Variants in EVPL observed in about 807,000 individuals in gnomAD.
The protein encoded by EVPL is 210 kDa cornified envelope precursor protein.
Under a neutral mutation model 129.7 loss-of-function variants are expected in EVPL, and 94 were observed. The observed-to-expected ratio is 0.72, with a 90% CI of 0.61 to 0.86. The LOEUF is 0.86. EVPL is among the 40% of genes least tolerant of loss of function. EVPL has a pLI of 0.00. For missense variants in EVPL, 2,625 were observed against 2,721.1 expected, an observed-to-expected ratio of 0.96 and a Z score of 0.79; for synonymous variants, 1,172 against 1,191.1, an observed-to-expected ratio of 0.98 and a Z score of 0.33.
At chr17:76,018,648 G>T (rs574991687) in intron 11 of EVPL, 48 bp from the exon 12 acceptor site, 1 of 1,553,288 alleles carries the variant, frequency 6.4e-7, no homozygotes, top group South Asian at 1.2e-5. Flanking sequence ...GGGGCAGGGG[G>T]CCAAGGCCAG....
In EVPL at chr17:76,015,341, C is replaced by T. The variant is rs1598237719; in HGVS notation, c.1914G>A (p.Glu638=). 6.2e-7 allele frequency: 1 copy of T among 1,604,244 alleles called. No individual in the cohort carries two copies. The highest frequency in any genetic ancestry group is 8.5e-7 in the Non-Finnish European group (1 of 1,179,032). Residue 638 remains glutamate, a synonymous_variant, in exon 16 of 22, where the codon GAG becomes GAA. Coordinates refer to ENST00000301607, the MANE Select transcript of EVPL (RefSeq NM_001988.4). The stretch of plus-strand genomic sequence containing the variant: ...CCCTGTCCGCATCCTGGATCTGCCG[C>T]TCCAGATCCAGGGCAGCCTTGGCTC... The part of the protein sequence containing the change: ...GEKAKAALDL[E]RQIQDADRVI...
At chr17:76,026,791 C>T (rs1448420799) in intron 1 of EVPL, among the ~76,000 whole-genome samples, 7 of 152,228 alleles carry the variant, frequency 4.6e-5, no homozygotes, top group Admixed American at 6.5e-5. Context: ...GGAGGGCCTC[C>T]GTGCAGGCTC....
intron 1 of EVPL, 91 bp downstream of exon 1, chr17:76,027,010 G>GGCCGCC (rs936907925): frequency 5.4e-6 from 4 of 737,942 alleles, no homozygotes; most frequent in African/African-American, 3.7e-5. Flanking sequence ...CTGGGCTCTG[G>GGCCGCC]GCCGCCGCCG....
At chr17:76,014,892 T>C (rs761800954) in intron 17 of EVPL, 24 bp downstream of exon 17, 1 of 1,564,048 alleles carries the variant, frequency 6.4e-7, no homozygotes, top group Non-Finnish European at 8.7e-7. Context: ...CCACACCCTG[T>C]GCCCCGAGGA....
In EVPL at chr17:76,007,112, G is replaced by A; in HGVS notation, c.6093C>T (p.Ser2031=). Reference sequence around the variant, plus strand: ...GGCTCCTTGGCCCGTGTCAGCGAAGGGAGCGCGGGACGGTGGGGGAGGCGG... The same window carrying A: ...GGCTCCTTGGCCCGTGTCAGCGAAGAGAGCGCGGGACGGTGGGGGAGGCGG... ...YRSASPTVPR[S]LR is the part of the protein sequence containing the mutation. Residue 2031 remains serine (S), a synonymous_variant, in exon 22 of 22, where the codon TCC becomes TCT. Transcript: ENST00000301607. The surrounding 1 kb of genome is among the most constrained non-coding windows in gnomAD (Gnocchi z 8.8). 1 of 1,463,428 alleles carries A rather than the reference G, an allele frequency of 6.8e-7. No homozygotes were observed. Among genetic ancestry groups the A allele is most frequent in the Non-Finnish European group, 9.0e-7 (1 of 1,106,346 alleles). The allele number at this position is 1,463,428 out of a possible 1,614,324, so 90.7% of individuals were successfully genotyped here. A position where few individuals can be genotyped will look rare whatever the true frequency, so the allele number is the denominator to read the frequency against.
In EVPL at chr17:76,022,276, G is replaced by A; in HGVS notation, c.607-49C>T. 1 of 1,608,672 alleles carries A rather than the reference G, an allele frequency of 6.2e-7. No individual in the cohort carries two copies. The highest frequency in any genetic ancestry group is 8.5e-7 in the Non-Finnish European group (1 of 1,178,192). ...AAGCCCGTGAGAGGTGGGGTGCAGG[G>A]AGACGGCCCCCTAAGATCTGGGCCA... On this transcript the variant is annotated intron_variant, in intron 5 of 21. Coordinates refer to ENST00000301607, the MANE Select transcript of EVPL (RefSeq NM_001988.4). This position sits in a 1 kb window ranked among gnomAD's most constrained non-coding sequence, Gnocchi z 5.6.
rs772987745 is a variant in EVPL at position 76,019,014 on chromosome 17, A to G, written c.1184T>C (p.Leu395Pro). ...LAVTERATGD[L>P]QRRSRDVAPL... is the part of the protein sequence containing the mutation. ...GGCCACATCCCGGCTTCGCCGCTGC[A>G]GGTCCCCAGTGGCCCTCTCGGTGAC... Residue 395 changes from leucine (L) to proline (P), a missense_variant, in exon 11 of 22, where the codon CTG becomes CCG. Leu to Pro is a moderately conservative substitution (Grantham distance 98, BLOSUM62 -3). Coordinates refer to ENST00000301607, the MANE Select transcript of EVPL (RefSeq NM_001988.4). 2.5e-6 allele frequency: 4 copies of G among 1,571,116 alleles called. No individual in the cohort carries two copies. The highest frequency in any genetic ancestry group is 3.4e-6 in the Non-Finnish European group (4 of 1,165,894).
chr17:76,009,822 C>T lies in EVPL; in HGVS notation c.3383G>A (p.Ser1128Asn). Residue 1128 changes from serine to asparagine, a missense_variant, in exon 22 of 22, where the codon AGC (serine) becomes AAC (asparagine). Around this residue, in one of 4 missense-constraint regions of EVPL, gnomAD observed 1,453 missense variants for 1,511.8 expected, o/e 0.96. Transcript: ENST00000301607. The surrounding 1 kb of genome is among the most constrained non-coding windows in gnomAD (Gnocchi z 5.9). Reference sequence around the variant, plus strand: ...CACGATGACCTTGGGCTCCACCGAGCTGATAGCCCGCTCCAGGTCTTCGAT... The same window carrying T: ...CACGATGACCTTGGGCTCCACCGAGTTGATAGCCCGCTCCAGGTCTTCGAT... ...ARIEDLERAI[S>N]SVEPKVIVKE... 6.2e-7 allele frequency: 1 copy of T among 1,614,014 alleles called. No individual in the cohort carries two copies. Among genetic ancestry groups the T allele is most frequent in the Non-Finnish European group, 8.5e-7 (1 of 1,180,010 alleles).
In EVPL at chr17:76,014,519, AT is replaced by A. The variant is rs1219641044; in HGVS notation, c.2279del (p.Asp760ValfsTer3). The A allele has an allele frequency of 6.2e-7, 1 of 1,611,930 alleles. No homozygotes were observed. The highest frequency in any genetic ancestry group is 1.7e-5 in the Admixed American group (1 of 59,684). The part of the protein sequence containing the change: ...LTYQQFKNCK[D>X]NLSSWLEHLP... ...GGTGCTCCAGCCAGGAGCTCAGGTT[AT>A]CCTTGCAGTTCTTGAACTGCTGGTA... On this transcript the variant is annotated frameshift_variant, in exon 18 of 22. Coordinates refer to ENST00000301607, the MANE Select transcript of EVPL (RefSeq NM_001988.4). LOFTEE classifies it high-confidence loss of function.
Position 76,022,788 on chromosome 17 carries a change from G to A in EVPL, c.481-250C>T, listed in dbSNP as rs971534028. Among the ~76,000 whole-genome samples the A allele has an allele frequency of 6.6e-6, 1 of 152,142 alleles. No homozygotes were observed. The highest frequency in any genetic ancestry group is 2.4e-5 in the African/African-American group (1 of 41,430). ...TCTCCAGCTCCATCCTGCCTTGTCT[G>A]TGACCCAGCCTCAGTGCTTCCTGCC... On this transcript the variant is annotated intron_variant, in intron 4 of 21. Coordinates refer to ENST00000301607, the MANE Select transcript of EVPL (RefSeq NM_001988.4). This position sits in a 1 kb window ranked among gnomAD's most constrained non-coding sequence, Gnocchi z 5.6.
rs769204287 is a variant in EVPL, at chr17:76,013,520, G to A, written c.2373+906C>T. ...AATATGCTCTGTTTCCTGTGTTCCC[G>A]CCTCAAGTGGAGGTGCCCCCTCTTC... On this transcript the variant is annotated intron_variant, in intron 18 of 21. Coordinates refer to ENST00000301607, the MANE Select transcript of EVPL (RefSeq NM_001988.4). This position sits in a 1 kb window ranked among gnomAD's most constrained non-coding sequence, Gnocchi z 4.3. 2.0e-5 allele frequency among the ~76,000 whole-genome samples: 3 copies of A among 152,016 alleles called. No homozygotes were observed. Among genetic ancestry groups the A allele is most frequent in the South Asian group, 2.1e-4 (1 of 4,812 alleles).
chr17:76,018,284 A>C (rs777353639), intron 12 of EVPL, 26 bp from the exon 13 acceptor site: 3 of 1,525,654 alleles, frequency 2.0e-6, no homozygotes, highest in East Asian at 4.9e-5. Flanking sequence ...GATTGAAGAA[A>C]GAGGTCCCCA....
Position 76,008,086 on chromosome 17 carries a change from T to C in EVPL, c.5119A>G (p.Ile1707Val). The C allele has an allele frequency of 6.2e-7, 1 of 1,614,146 alleles. No homozygotes were observed. The change falls in exon 22 of 22, where the codon ATC becomes GTC. Residue 1707 changes from isoleucine to valine, a missense_variant. Physicochemically the swap from Ile to Val is conservative, Grantham distance 29. Coordinates refer to ENST00000301607, the MANE Select transcript of EVPL (RefSeq NM_001988.4). The surrounding 1 kb of genome is among the most constrained non-coding windows in gnomAD (Gnocchi z 7.4). ...TGCAAGTACTGGCCCCTGTCGATGA[T>C]GCCCCTCTTGTAGGCCTCGTATGGG... is the stretch of plus-strand genomic sequence containing the variant. ...MSPYEAYKRG[I>V]IDRGQYLQLQ...
At position 76,022,669 on chromosome 17, in the gene EVPL, G is replaced by T. The variant is rs761186427; in HGVS notation, c.481-131C>A. The stretch of plus-strand genomic sequence containing the variant: ...GTGGACGAGCCTGGGAGCAGCCCGG[G>T]TGCATGCCCTGCAGCTCCCCCAGGG... On this transcript the variant is annotated intron_variant, in intron 4 of 21. Coordinates refer to ENST00000301607, the MANE Select transcript of EVPL (RefSeq NM_001988.4). The surrounding 1 kb of genome is among the most constrained non-coding windows in gnomAD (Gnocchi z 5.6). The T allele has an allele frequency of 6.3e-6, 8 of 1,268,842 alleles. No individual in the cohort carries two copies. The highest frequency in any genetic ancestry group is 8.5e-6 in the Non-Finnish European group (8 of 941,546). 78.6% of individuals were successfully genotyped at this position (1,268,842 alleles called of 1,614,324 possible). A position where few individuals can be genotyped will look rare whatever the true frequency, so the allele number is the denominator to read the frequency against.
At chr17:76,016,257 C>T (rs529486118) in intron 14 of EVPL, among the ~76,000 whole-genome samples, 1 of 152,386 alleles carries the variant, frequency 6.6e-6, no homozygotes, top group Admixed American at 6.5e-5. Context: ...ATCTTCATGT[C>T]ACTGTCCTGC....
In EVPL at chr17:76,019,606, G is replaced by T. The variant is rs779645336; in HGVS notation, c.1059C>A (p.Asn353Lys). The T allele has an allele frequency of 6.2e-7, 1 of 1,608,656 alleles. No homozygotes were observed. Among genetic ancestry groups the T allele is most frequent in the South Asian group, 1.1e-5 (1 of 90,514 alleles). The stretch of plus-strand genomic sequence containing the variant: ...GGCTGTACTTGGCATCCAAGTTGGA[G>T]TTGAGCTTCGCCAGGGTCTGGCTGA... ...DSVSQTLAKL[N>K]SNLDAKYSPA... is the part of the protein sequence containing the mutation. Residue 353 changes from asparagine to lysine, a missense_variant, in exon 10 of 22, where the codon AAC becomes AAA. This residue lies in a region of EVPL where 1,024 missense variants were observed against 997.5 expected (regional missense o/e 1.03). Transcript: ENST00000301607.
In EVPL at chr17:76,019,071, C is replaced by A. The variant is rs2144426550; in HGVS notation, c.1138-11G>T. On this transcript the variant is annotated splice_polypyrimidine_tract_variant and intron_variant, in intron 10 of 21. Coordinates refer to ENST00000301607, the MANE Select transcript of EVPL (RefSeq NM_001988.4). ...CCGTTTTTCCTCTGCCTGCCGGGGG[C>A]CCAGGCAGTGGGGGACTCAGGCCAG... 6.4e-7 allele frequency: 1 copy of A among 1,572,486 alleles called. No individual in the cohort carries two copies. Among genetic ancestry groups the A allele is most frequent in the East Asian group, 2.3e-5 (1 of 42,976 alleles).
In EVPL at chr17:76,007,783, T is replaced by C; in HGVS notation, c.5422A>G (p.Ser1808Gly). 6.2e-7 allele frequency: 1 copy of C among 1,611,990 alleles called. No homozygotes were observed. The highest frequency in any genetic ancestry group is 8.5e-7 in the Non-Finnish European group (1 of 1,178,472). Residue 1808 changes from serine (S) to glycine (G), a missense_variant, in exon 22 of 22, where the codon AGC becomes GGC. Ser to Gly is a moderately conservative substitution (Grantham distance 56). Coordinates refer to ENST00000301607, the MANE Select transcript of EVPL (RefSeq NM_001988.4). The surrounding 1 kb of genome is among the most constrained non-coding windows in gnomAD (Gnocchi z 8.8). The part of the protein sequence containing the change: ...KSPLASPAPQ[S>G]TSFFSPSFSL... Reference sequence around the variant, plus strand: ...AAGCTGGGAGAGAAGAAACTGGTGCTCTGGGGGGCCGGGGAGGCGAGCGGG... The same window carrying C: ...AAGCTGGGAGAGAAGAAACTGGTGCCCTGGGGGGCCGGGGAGGCGAGCGGG...
In EVPL at chr17:76,008,129, C is replaced by A; in HGVS notation, c.5076G>T (p.Glu1692Asp). Reference sequence around the variant, plus strand: ...CGTATGGGGACATGTCCTTCCCCGTCTCGGGTTCCAGGATGGAGATCTTGG... The same window carrying A: ...CGTATGGGGACATGTCCTTCCCCGTATCGGGTTCCAGGATGGAGATCTTGG... ...LSTKISILEP[E>D]TGKDMSPYEA... The change falls in exon 22 of 22, where the codon GAG becomes GAT. Residue 1692 changes from glutamate (E) to aspartate (D), a missense_variant. Coordinates refer to ENST00000301607, the MANE Select transcript of EVPL (RefSeq NM_001988.4). This position sits in a 1 kb window ranked among gnomAD's most constrained non-coding sequence, Gnocchi z 7.4. 3 of 1,614,172 alleles carry A rather than the reference C, an allele frequency of 1.9e-6. No homozygotes were observed. Among genetic ancestry groups the A allele is most frequent in the Non-Finnish European group, 2.5e-6 (3 of 1,180,034 alleles).
Sources: gnomAD v4.1 joint callset for allele counts (sites outside exome capture counted in the v4.1 genomes callset) on GRCh38, gnomAD v4.1.1 for gene constraint, gnomAD v4.1.1 regional missense constraint, Gnocchi (gnomAD v3.1) non-coding constraint, MANE v1.5 for transcripts, NCBI Gene and HGNC (gene_info 2026-07-23, HGNC 2026-07-21) for gene names.